Variants in PATE4 observed in about 807,000 individuals in gnomAD.
The protein encoded by PATE4 is prostate and testis expressed protein 4.
In PATE4, 13 loss-of-function variants were observed where a neutral mutation model predicts 8.5. The observed-to-expected ratio is 1.53, with a 90% CI of 1.00 to 2.43. PATE4 has a LOEUF of 2.43. PATE4 is among the 30% of genes most tolerant of loss of function. The pLI is 0.00. For synonymous variants in PATE4, 47 were observed against 39.3 expected (o/e 1.20, Z -0.73); for missense variants, 127 against 115.5 (o/e 1.10, Z -0.46).
Position 125,838,676 on chromosome 11 carries a change from T to C in PATE4, c.*249T>C. ...TTATTCTTTTGTCTTCTACTCCTGATTTCTGATTTCTATCCCTTGTAGGCT... is the reference window on the plus strand; with the variant it reads ...TTATTCTTTTGTCTTCTACTCCTGACTTCTGATTTCTATCCCTTGTAGGCT... On this transcript the variant is annotated 3_prime_UTR_variant, in exon 3 of 3. Transcript: ENST00000457514. 1 of 390,786 alleles carries C rather than the reference T, an allele frequency of 2.6e-6. No homozygotes were observed. The highest frequency in any genetic ancestry group is 4.5e-6 in the Non-Finnish European group (1 of 221,050). The allele number at this position is 390,786 out of a possible 1,614,324, so 24.2% of individuals were successfully genotyped here.
At chr11:125,833,479 C>A (rs1565434202) in intron 1 of PATE4, 62 bp downstream of exon 1, 1 of 1,420,626 alleles carries the variant, frequency 7.0e-7, no homozygotes, top group Non-Finnish European at 9.7e-7. Flanking sequence ...TAAACCTCTA[C>A]TCTCCAAGTC....
Position 125,838,414 on chromosome 11 carries a change from G to C in PATE4, c.284G>C (p.Cys95Ser). 6.5e-7 allele frequency: 1 copy of C among 1,548,356 alleles called. No individual in the cohort carries two copies. The highest frequency in any genetic ancestry group is 8.7e-7 in the Non-Finnish European group (1 of 1,146,192). ...ACACTGTGCTGTGACAGAAACTTCT[G>C]TAATGTCTTCTAATGGAGCTTAGGA... is the stretch of plus-strand genomic sequence containing the variant. The part of the protein sequence containing the change: ...RVTLCCDRNF[C>S]NVF The change falls in exon 3 of 3, where the codon TGT (cysteine) becomes TCT (serine). Residue 95 changes from cysteine to serine, a missense_variant. Coordinates refer to ENST00000457514, the MANE Select transcript of PATE4 (RefSeq NM_001144874.1).
At position 125,839,120 on chromosome 11, in the gene PATE4, G is replaced by A. The variant is rs959058883; in HGVS notation, c.*693G>A. On this transcript the variant is annotated 3_prime_UTR_variant, in exon 3 of 3. Coordinates refer to ENST00000457514, the MANE Select transcript of PATE4 (RefSeq NM_001144874.1). ...CTGGCCTCCAGAACTCTAAGCGGGT[G>A]TGGTTTTCAGCCACAAAGTGTGTAT... 3 of 152,212 alleles carry A rather than the reference G, an allele frequency of 2.0e-5. No homozygotes were observed. Among genetic ancestry groups the A allele is most frequent in the African/African-American group, 4.8e-5 (2 of 41,458 alleles). 9.4% of individuals were successfully genotyped at this position (152,212 alleles called of 1,614,324 possible). A position where few individuals can be genotyped will look rare whatever the true frequency, so the allele number is the denominator to read the frequency against.
chr11:125,836,684 T>TTAAC (rs35720363), intron 1 of PATE4, among the ~76,000 whole-genome samples: 131,464 of 151,898 alleles, frequency 0.87, 57,029 homozygotes, highest in East Asian at 1. Flanking sequence ...CATTGCAAGT[T>TTAAC]TATTTCTTGA....
intron 1 of PATE4, among the ~76,000 whole-genome samples, chr11:125,834,613 G>A (rs1160291830): frequency 6.6e-6 from 1 of 152,126 alleles, no homozygotes; most frequent in Admixed American, 6.5e-5. Flanking sequence ...CCTCTGGTGG[G>A]CAATTCAGCA....
intron 1 of PATE4, among the ~76,000 whole-genome samples, chr11:125,837,131 A>ATGAAGAT (rs1943925669): frequency 2.6e-5 from 4 of 152,308 alleles, no homozygotes; most frequent in Admixed American, 6.5e-5. Flanking sequence ...AACGTCTGAG[A>ATGAAGAT]TGAAGATTGA....
At chr11:125,838,008 CA>C in intron 2 of PATE4, 24 bp downstream of exon 2, 1 of 1,501,394 alleles carries the variant, frequency 6.7e-7, no homozygotes, top group South Asian at 1.2e-5. Context: ...ATGAAGACTC[CA>C]AAATTGCCTG....
chr11:125,838,546 T>C lies in PATE4; in HGVS notation c.*119T>C. ...ACTGGCCTAAGATCCCAGAGAGAGC[T>C]GCAGGGGCTGTCCTCATTGCAATGA... On this transcript the variant is annotated 3_prime_UTR_variant, in exon 3 of 3. Transcript: ENST00000457514. 1.6e-6 allele frequency: 2 copies of C among 1,260,982 alleles called. No individual in the cohort carries two copies. Among genetic ancestry groups the C allele is most frequent in the South Asian group, 1.7e-5 (1 of 58,194 alleles). 78.1% of individuals were successfully genotyped at this position (1,260,982 alleles called of 1,614,324 possible).
At chr11:125,835,198 G>A (rs1943911265) in intron 1 of PATE4, 1 of 152,204 alleles carries the variant, frequency 6.6e-6, no homozygotes, top group African/African-American at 2.4e-5. Context: ...GTACTGCGCA[G>A]CCTGCTCCCA....
chr11:125,838,594 C>T lies in PATE4; in HGVS notation c.*167C>T. 1.6e-6 allele frequency: 1 copy of T among 631,028 alleles called. No individual in the cohort carries two copies. Among genetic ancestry groups the T allele is most frequent in the Non-Finnish European group, 2.5e-6 (1 of 405,238 alleles). The allele number at this position is 631,028 out of a possible 1,614,324, so 39.1% of individuals were successfully genotyped here. On this transcript the variant is annotated 3_prime_UTR_variant, in exon 3 of 3. Coordinates refer to ENST00000457514, the MANE Select transcript of PATE4 (RefSeq NM_001144874.1). ...TGAAGGGGCTCCCCACACCCCACCT[C>T]CACCACTAGATTCCTAAAATCATGA...
chr11:125,834,896 G>A (rs1943909274), intron 1 of PATE4: 1 of 152,122 alleles, frequency 6.6e-6, no homozygotes, highest in South Asian at 2.1e-4. Flanking sequence ...ATTATGAAAA[G>A]GGGGTAAAAA....
chr11:125,837,635 T>C lies in PATE4; in HGVS notation c.59-233T>C, dbSNP rs1223473576. 2.0e-5 allele frequency among the ~76,000 whole-genome samples: 3 copies of C among 152,242 alleles called. No homozygotes were observed. The East Asian group carries it at 5.8e-4, about 29-fold the overall frequency. On this transcript the variant is annotated intron_variant, in intron 1 of 2. Coordinates refer to ENST00000457514, the MANE Select transcript of PATE4 (RefSeq NM_001144874.1). ...GTTCTTTTATTATTTCACATGTTTA[T>C]CTTGCCTTCAAATATAAATGGACCC...
At chr11:125,837,230 T>C (rs1353171743) in intron 1 of PATE4, among the ~76,000 whole-genome samples, 1 of 152,146 alleles carries the variant, frequency 6.6e-6, no homozygotes, top group Non-Finnish European at 1.5e-5. Flanking sequence ...ACCCTAAATC[T>C]CCTCTCCTCT....
At position 125,838,375 on chromosome 11, in the gene PATE4, G is replaced by T; in HGVS notation, c.245G>T (p.Gly82Val). Reference sequence around the variant, plus strand: ...CGGGAAGAGGAGTCCTCCAAAAGAGGCCTGTTGAGAGTGACACTGTGCTGT... The same window carrying T: ...CGGGAAGAGGAGTCCTCCAAAAGAGTCCTGTTGAGAGTGACACTGTGCTGT... Reference protein sequence around the residue: ...KCREEESSKRGLLRVTLCCDR... With the variant: ...KCREEESSKRVLLRVTLCCDR... Residue 82 changes from glycine (G) to valine (V), a missense_variant, in exon 3 of 3, where the codon GGC becomes GTC. Physicochemically the swap from Gly to Val is moderately radical, Grantham distance 109. Coordinates refer to ENST00000457514, the MANE Select transcript of PATE4 (RefSeq NM_001144874.1). 6.4e-7 allele frequency: 1 copy of T among 1,551,492 alleles called. No individual in the cohort carries two copies. The highest frequency in any genetic ancestry group is 2.0e-5 in the Admixed American group (1 of 50,974).
rs1943935423 is a variant in PATE4 at position 125,838,336 on chromosome 11, G to GT, written c.207dup (p.Lys70Ter). On this transcript the variant is annotated frameshift_variant, in exon 3 of 3. Coordinates refer to ENST00000457514, the MANE Select transcript of PATE4 (RefSeq NM_001144874.1). LOFTEE classifies it low-confidence loss of function (END_TRUNC). ...AAACATATGTACTCAACACATATGT[G>GT]TAAGTATAAGTGCCGGGAAGAGGAG... 1 of 1,550,782 alleles carries GT rather than the reference G, an allele frequency of 6.4e-7. No homozygotes were observed. Among genetic ancestry groups the GT allele is most frequent in the African/African-American group, 1.4e-5 (1 of 72,966 alleles).
intron 1 of PATE4, 36 bp downstream of exon 1, chr11:125,833,453 T>A: frequency 1.3e-6 from 2 of 1,526,856 alleles, no homozygotes; most frequent in Non-Finnish European, 1.8e-6. Flanking sequence ...GGAGGCAACT[T>A]AGGGGTGCTG....
intron 1 of PATE4, among the ~76,000 whole-genome samples, chr11:125,836,267 T>C (rs1416614353): frequency 2.6e-5 from 4 of 152,146 alleles, no homozygotes; most frequent in African/African-American, 9.7e-5. Context: ...TTTGCCCCTT[T>C]TAAGTCCCAC....
At position 125,833,380 on chromosome 11, in the gene PATE4, G is replaced by A. The variant is rs1943899864; in HGVS notation, c.21G>A (p.Leu7=). The A allele has an allele frequency of 6.4e-7, 1 of 1,551,446 alleles. No individual in the cohort carries two copies. The change falls in exon 1 of 3, where the codon CTG becomes CTA. Residue 7 remains leucine, a synonymous_variant. Transcript: ENST00000457514. ...ATCCAATGAGGAAAATGAACACACT[G>A]CTCCTTGTGAGCTTATCTTTTCTCT... MRKMNT[L]LLVSLSFLYL...
Position 125,839,986 on chromosome 11 carries a change from A to G in PATE4, c.*1559A>G, listed in dbSNP as rs1386351591. On this transcript the variant is annotated 3_prime_UTR_variant, in exon 3 of 3. Transcript: ENST00000457514. ...TCTGGGGACTTTGTTTTGATTTGTT[A>G]TTGTTTTTATATTCAGTCTTTAACC... 1 of 152,052 alleles carries G rather than the reference A, an allele frequency of 6.6e-6. No individual in the cohort carries two copies. The highest frequency in any genetic ancestry group is 2.4e-5 in the African/African-American group (1 of 41,402). The allele number at this position is 152,052 out of a possible 1,614,324, so 9.4% of individuals were successfully genotyped here. A position where few individuals can be genotyped will look rare whatever the true frequency, so the allele number is the denominator to read the frequency against.
Sources: allele counts gnomAD v4.1 joint callset (sites outside exome capture counted in the v4.1 genomes callset), GRCh38; gene constraint gnomAD v4.1.1; transcripts MANE v1.5; gene names NCBI Gene and HGNC (gene_info 2026-07-23, HGNC 2026-07-21).